SCLT1: variants seen among roughly 807,000 people sequenced by gnomAD.
SCLT1 encodes the protein sodium channel-associated protein 1.
Under a neutral mutation model 112.8 loss-of-function variants are expected in SCLT1, and 78 were observed. The ratio of observed to expected loss-of-function variants is 0.69; its 90% CI spans 0.58 to 0.83. The LOEUF (loss-of-function observed/expected upper bound fraction) is 0.83. SCLT1 is among the 40% of genes least tolerant of loss of function. The pLI is 0.00. For synonymous variants in SCLT1, 257 were observed against 254.7 expected, an observed-to-expected ratio of 1.01 and a Z score of -0.09; for missense variants, 747 against 770.4, an observed-to-expected ratio of 0.97 and a Z score of 0.36.
intron 5 of SCLT1, among the ~76,000 whole-genome samples, chr4:129,025,056 A>T (rs1473276776): frequency 6.6e-6 from 1 of 152,196 alleles, no homozygotes; most frequent in Non-Finnish European, 1.5e-5. Flanking sequence ...ATGTGAAAAG[A>T]CCAAATCTAC....
chr4:129,027,478 G>C (rs184080962), intron 5 of SCLT1, among the ~76,000 whole-genome samples: 2 of 152,062 alleles, frequency 1.3e-5, no homozygotes, highest in East Asian at 1.9e-4. Flanking sequence ...ATTCAACAAC[G>C]CTTCATGCCA....
At chr4:128,932,389 A>G (rs1281388085) in intron 18 of SCLT1, among the ~76,000 whole-genome samples, 1 of 152,178 alleles carries the variant, frequency 6.6e-6, no homozygotes, top group Non-Finnish European at 1.5e-5. Flanking sequence ...AAAATCTAAA[A>G]TATCTATAGT....
At chr4:128,973,239 G>T (rs1740847574) in intron 9 of SCLT1, among the ~76,000 whole-genome samples, 2 of 151,874 alleles carry the variant, frequency 1.3e-5, no homozygotes, top group African/African-American at 4.8e-5. Context: ...ACACTGTATT[G>T]TAATCAATAC....
intron 12 of SCLT1, 140 bp from the exon 13 acceptor site, chr4:128,957,264 A>G (rs995164324): frequency 1.9e-6 from 1 of 519,008 alleles, no homozygotes. Context: ...GAAATCACGA[A>G]TGATATTTAT....
intron 10 of SCLT1, among the ~76,000 whole-genome samples, chr4:128,966,422 C>A (rs1454868028): frequency 6.6e-6 from 1 of 152,120 alleles, no homozygotes. Context: ...TGAAACCTTG[C>A]AACAGCATAT....
chr4:129,068,583 G>C (rs1178298772), intron 2 of SCLT1, among the ~76,000 whole-genome samples: 2 of 152,090 alleles, frequency 1.3e-5, no homozygotes, highest in African/African-American at 4.8e-5. Context: ...ATTGAGAATT[G>C]TCTATTCAGG....
At position 129,006,994 on chromosome 4, in the gene SCLT1, C is replaced by T. The variant is rs118107322; in HGVS notation, c.291-3118G>A. 1.4e-4 allele frequency among the ~76,000 whole-genome samples: 22 copies of T among 152,284 alleles called. No homozygotes were observed. The East Asian group carries it at 4.3e-3, about 29-fold the overall frequency. ...TATTTTCTAACTTCCATTGTGAGTT[C>T]TTTGACCTGTGAGTAACATTTAGAG... On this transcript the variant is annotated intron_variant, in intron 5 of 20. Transcript: ENST00000281142.
At chr4:128,977,838 A>T (rs761208375) in intron 9 of SCLT1, among the ~76,000 whole-genome samples, 10 of 152,160 alleles carry the variant, frequency 6.6e-5, no homozygotes, top group Non-Finnish European at 4.4e-5. Context: ...TTGCAATGAA[A>T]ATCCACTGGA....
chr4:129,073,612 T>C (rs1751212522), intron 2 of SCLT1, among the ~76,000 whole-genome samples: 1 of 152,306 alleles, frequency 6.6e-6, no homozygotes, highest in East Asian at 1.9e-4. Flanking sequence ...GCCTGCCTTA[T>C]TCACTATCAT....
chr4:128,965,082 G>A (rs1579529234), intron 11 of SCLT1, 145 bp downstream of exon 11: 1 of 534,456 alleles, frequency 1.9e-6, no homozygotes. Flanking sequence ...AAACAATGTC[G>A]ATTAAATCAG....
At chr4:129,077,686 C>T (rs938427319) in intron 2 of SCLT1, among the ~76,000 whole-genome samples, 6 of 152,136 alleles carry the variant, frequency 3.9e-5, no homozygotes, top group African/African-American at 1.4e-4. Context: ...GTAGCAACAA[C>T]TAAGTTACAG....
At chr4:128,983,634 AG>A (rs1204082279) in intron 9 of SCLT1, among the ~76,000 whole-genome samples, 1 of 152,208 alleles carries the variant, frequency 6.6e-6, no homozygotes, top group African/African-American at 2.4e-5. Context: ...AGGTTTGAGG[AG>A]GATCAGGTGA....
intron 5 of SCLT1, among the ~76,000 whole-genome samples, chr4:129,022,118 C>CA (rs1553990051): frequency 1.3e-5 from 2 of 152,116 alleles, no homozygotes; most frequent in African/African-American, 4.8e-5. Context: ...AAGACCCCCC[C>CA]ACAAAAAGCC....
chr4:128,968,051 C>A (rs1740364715), intron 10 of SCLT1, among the ~76,000 whole-genome samples: 1 of 152,140 alleles, frequency 6.6e-6, no homozygotes, highest in African/African-American at 2.4e-5. Flanking sequence ...AATTGGCTGT[C>A]AGTATCATTG....
At chr4:128,979,322 C>G (rs4975292) in intron 9 of SCLT1, among the ~76,000 whole-genome samples, 112,783 of 151,988 alleles carry the variant, frequency 0.74, 43,022 homozygotes, top group African/African-American at 0.93. Context: ...ATGATATTAC[C>G]AGGTGGGGCC....
At chr4:129,081,795 C>T (rs1235919325) in intron 2 of SCLT1, among the ~76,000 whole-genome samples, 1 of 152,116 alleles carries the variant, frequency 6.6e-6, no homozygotes, top group Non-Finnish European at 1.5e-5. Flanking sequence ...CTCTTATTTG[C>T]TTCTATAGAG....
intron 17 of SCLT1, among the ~76,000 whole-genome samples, chr4:128,942,638 T>C (rs541034655): frequency 6.6e-6 from 1 of 152,278 alleles, no homozygotes; most frequent in East Asian, 1.9e-4. Flanking sequence ...ACAGTTAGTT[T>C]TAGAGAAGTT....
rs535586126 is a variant in SCLT1, at chr4:129,040,047, T to C, written c.235-951A>G. 3 of 623,488 alleles carry C rather than the reference T, an allele frequency of 4.8e-6. No individual in the cohort carries two copies. In the South Asian group the frequency reaches 5.3e-5, roughly 11 times the overall value. 38.6% of individuals were successfully genotyped at this position (623,488 alleles called of 1,614,324 possible). A position where few individuals can be genotyped will look rare whatever the true frequency, so the allele number is the denominator to read the frequency against. On this transcript the variant is annotated intron_variant, in intron 4 of 20. Transcript: ENST00000281142. ...TAAGCTAAAGGAGAGAAGCTTATCC[T>C]GGAGTACACTTTCGCAAGGGCCAGG...
At position 129,086,336 on chromosome 4, in the gene SCLT1, T is replaced by C. The variant is rs2021433; in HGVS notation, c.35-3963A>G. On this transcript the variant is annotated intron_variant, in intron 1 of 20. Transcript: ENST00000281142. ...ATGTATATATATATATATATATATATACACACACACATTCATTGTTAGTTT... is the reference window on the plus strand; with the variant it reads ...ATGTATATATATATATATATATATACACACACACACATTCATTGTTAGTTT... Among the ~76,000 whole-genome samples, 1,015 of 129,398 alleles carry C rather than the reference T, an allele frequency of 7.8e-3. 17 individuals carry two copies. The highest frequency in any genetic ancestry group is 0.027 in the African/African-American group (922 of 33,554). The allele number at this position is 129,398 out of a possible 152,430, so 84.9% of individuals were successfully genotyped here. A position where few individuals can be genotyped will look rare whatever the true frequency, so the allele number is the denominator to read the frequency against.
Sources: gnomAD v4.1 joint callset for allele counts (sites outside exome capture counted in the v4.1 genomes callset) on GRCh38, gnomAD v4.1.1 for gene constraint, MANE v1.5 for transcripts, NCBI Gene and HGNC (gene_info 2026-07-23, HGNC 2026-07-21) for gene names.